Variants in SLC35F1 observed in about 807,000 individuals in gnomAD.
The protein encoded by SLC35F1 is chromosome 6 open reading frame 169.
In SLC35F1, 14 loss-of-function variants were observed where a neutral mutation model predicts 48.7. That is an observed-to-expected ratio of 0.29 (90% CI 0.19 to 0.45). The LOEUF is 0.45. Among genes scored for constraint, SLC35F1 ranks in the 20% least tolerant of loss-of-function variants. The pLI is 1.00. For synonymous variants in SLC35F1, 190 were observed against 202.2 expected (o/e 0.94, Z 0.51); for missense variants, 404 against 500.0 (o/e 0.81, Z 1.83).
chr6:118,217,054 T>C (rs560665273), intron 2 of SLC35F1, among the ~76,000 whole-genome samples: 2 of 152,142 alleles, frequency 1.3e-5, no homozygotes, highest in Admixed American at 6.6e-5. Context: ...AAAAAAAAGT[T>C]CCCTACAGCT....
At chr6:118,116,527 T>G (rs1773478636) in intron 1 of SLC35F1, among the ~76,000 whole-genome samples, 1 of 152,206 alleles carries the variant, frequency 6.6e-6, no homozygotes, top group African/African-American at 2.4e-5. Context: ...TTGAATGCAA[T>G]GTCTAGGAGC....
intron 2 of SLC35F1, among the ~76,000 whole-genome samples, chr6:118,223,468 T>C (rs1333991581): frequency 2.0e-5 from 3 of 152,342 alleles, no homozygotes; most frequent in East Asian, 3.9e-4. Flanking sequence ...CAGCCAGTTA[T>C]GTGGCAGAGT....
At chr6:117,914,081 G>T (rs1462897991) in intron 1 of SLC35F1, among the ~76,000 whole-genome samples, 2 of 142,920 alleles carry the variant, frequency 1.4e-5, no homozygotes, top group African/African-American at 2.6e-5. Context: ...AAAAACAAAA[G>T]AATCCTATCT....
At chr6:118,169,819 A>T (rs1257092705) in intron 2 of SLC35F1, among the ~76,000 whole-genome samples, 2 of 152,220 alleles carry the variant, frequency 1.3e-5, no homozygotes, top group Non-Finnish European at 2.9e-5. Context: ...ATTTCTATTG[A>T]AATCAAATCA....
intron 1 of SLC35F1, among the ~76,000 whole-genome samples, chr6:117,908,200 G>A (rs116317332): frequency 0.014 from 2,102 of 152,242 alleles, 59 homozygotes; most frequent in African/African-American, 0.048. Context: ...CCCTCCATAC[G>A]CGTGCCGCCT....
chr6:118,061,362 C>T (rs538528557), intron 1 of SLC35F1, among the ~76,000 whole-genome samples: 114 of 152,212 alleles, frequency 7.5e-4, no homozygotes, highest in African/African-American at 2.7e-3. Flanking sequence ...ACCTATTTGG[C>T]CCCAGTTCCT....
At chr6:117,913,378 A>G (rs1775787085) in intron 1 of SLC35F1, among the ~76,000 whole-genome samples, 2 of 152,228 alleles carry the variant, frequency 1.3e-5, no homozygotes, top group Admixed American at 1.3e-4. Context: ...ACGAAACATT[A>G]TTCTTGGGCC....
At chr6:118,053,307 G>A (rs1772417027) in intron 1 of SLC35F1, among the ~76,000 whole-genome samples, 1 of 152,102 alleles carries the variant, frequency 6.6e-6, no homozygotes, top group South Asian at 2.1e-4. Context: ...GTCTAAAAAT[G>A]AGGGTATGTG....
intron 1 of SLC35F1, among the ~76,000 whole-genome samples, chr6:118,134,650 G>T (rs578037574): frequency 3.3e-5 from 5 of 152,212 alleles, no homozygotes; most frequent in African/African-American, 1.2e-4. Flanking sequence ...AGCCTACTCT[G>T]TGTTTGTCTT....
At chr6:118,241,327 C>A (rs1460455746) in intron 3 of SLC35F1, among the ~76,000 whole-genome samples, 2 of 152,148 alleles carry the variant, frequency 1.3e-5, no homozygotes, top group African/African-American at 4.8e-5. Flanking sequence ...TTGCTCTATC[C>A]TCTTGCCCTT....
chr6:118,052,944 T>G (rs558494882), intron 1 of SLC35F1, among the ~76,000 whole-genome samples: 1 of 152,060 alleles, frequency 6.6e-6, no homozygotes, highest in Non-Finnish European at 1.5e-5. Flanking sequence ...GTTCAAAGAG[T>G]GTTTGTCCTG....
chr6:118,128,505 T>A (rs1468360276), intron 1 of SLC35F1, among the ~76,000 whole-genome samples: 1 of 151,994 alleles, frequency 6.6e-6, no homozygotes, highest in Non-Finnish European at 1.5e-5. Context: ...GTTCATGTCC[T>A]TTGTAGGGAC....
chr6:118,054,231 G>C (rs376785868), intron 1 of SLC35F1, among the ~76,000 whole-genome samples: 50 of 152,292 alleles, frequency 3.3e-4, no homozygotes, highest in Non-Finnish European at 6.3e-4. Context: ...TTTTTGGGCA[G>C]AAGAAGCACT....
At position 118,235,539 on chromosome 6, in the gene SLC35F1, G is replaced by A. The variant is rs745950537; in HGVS notation, c.380G>A (p.Arg127Gln). 15 of 1,613,148 alleles carry A rather than the reference G, an allele frequency of 9.3e-6. No individual in the cohort carries two copies. The highest frequency in any genetic ancestry group is 2.2e-5 in the East Asian group (1 of 44,796). The part of the protein sequence containing the change: ...GEENLLAILR[R>Q]RWWKYMILGL... ...GAAAACCTCCTGGCAATTTTACGAC[G>A]AAGATGGTGGAAGTACATGATTTTG... The change falls in exon 3 of 8, where the codon CGA (arginine) becomes CAA (glutamine). Residue 127 changes from arginine to glutamine, a missense_variant. Physicochemically the swap from Arg to Gln is conservative, Grantham distance 43 (BLOSUM62 1). Coordinates refer to ENST00000360388, the MANE Select transcript of SLC35F1 (RefSeq NM_001029858.4).
intron 1 of SLC35F1, among the ~76,000 whole-genome samples, chr6:118,069,171 G>A (rs1200728907): frequency 1.3e-5 from 2 of 152,074 alleles, no homozygotes; most frequent in African/African-American, 2.4e-5. Context: ...TTTAATGCTT[G>A]CAGATATTAA....
intron 1 of SLC35F1, among the ~76,000 whole-genome samples, chr6:118,069,869 G>C (rs1377958521): frequency 6.6e-6 from 1 of 152,054 alleles, no homozygotes; most frequent in Non-Finnish European, 1.5e-5. Context: ...GGGCGCGGTG[G>C]CTCACGCCTG....
intron 1 of SLC35F1, among the ~76,000 whole-genome samples, chr6:117,951,104 T>C (rs1349963473): frequency 6.6e-6 from 1 of 152,212 alleles, no homozygotes; most frequent in Non-Finnish European, 1.5e-5. Flanking sequence ...ATAATTTATC[T>C]TGATAGCATG....
chr6:118,127,682 C>T (rs1294978629), intron 1 of SLC35F1, among the ~76,000 whole-genome samples: 17 of 151,736 alleles, frequency 1.1e-4, no homozygotes, highest in South Asian at 2.1e-4. Flanking sequence ...AAGACTTAAA[C>T]GTTAGACCTA....
chr6:117,934,591 A>G (rs1776141280), intron 1 of SLC35F1, among the ~76,000 whole-genome samples: 1 of 152,230 alleles, frequency 6.6e-6, no homozygotes, highest in Non-Finnish European at 1.5e-5. Flanking sequence ...TTCAATTCTC[A>G]GTTATGAAAT....
Sources: allele counts gnomAD v4.1 joint callset (sites outside exome capture counted in the v4.1 genomes callset), GRCh38; gene constraint gnomAD v4.1.1; transcripts MANE v1.5; gene names NCBI Gene and HGNC (gene_info 2026-07-23, HGNC 2026-07-21).